The following MLLT10 variants were observed in gnomAD, a reference collection of about 807,000 sequenced individuals.
MLLT10 encodes MLLT10 histone lysine methyltransferase DOT1L cofactor.
Under a neutral mutation model 129.1 loss-of-function variants are expected in MLLT10, and 30 were observed. That is an observed-to-expected ratio of 0.23 (90% CI 0.17 to 0.32). The LOEUF is 0.32. MLLT10 is among the 10% of genes least tolerant of loss of function. MLLT10 has a pLI of 1.00. For missense variants in MLLT10, 1,119 were observed against 1,268.3 expected (o/e 0.88, Z 1.79); for synonymous variants, 490 against 446.4 (o/e 1.10, Z -1.23).
chr10:21,616,481 TA>T (rs2045271165), intron 7 of MLLT10, among the ~76,000 whole-genome samples: 1 of 152,120 alleles, frequency 6.6e-6, no homozygotes, highest in Non-Finnish European at 1.5e-5. Flanking sequence ...CTCACCTTCA[TA>T]CTTAATTATG....
intron 8 of MLLT10, among the ~76,000 whole-genome samples, chr10:21,644,496 T>C (rs924485682): frequency 2.6e-5 from 4 of 152,182 alleles, no homozygotes; most frequent in Admixed American, 2.6e-4. Flanking sequence ...TAGGGCAGTA[T>C]GCACTTTTTG....
intron 9 of MLLT10, among the ~76,000 whole-genome samples, chr10:21,665,958 C>A (rs778327703): frequency 6.6e-6 from 1 of 152,028 alleles, no homozygotes; most frequent in Non-Finnish European, 1.5e-5. Context: ...CTGCCTGACT[C>A]CAAAAGTTCT....
At chr10:21,590,074 C>T (rs1002556286) in intron 4 of MLLT10, among the ~76,000 whole-genome samples, 1 of 152,098 alleles carries the variant, frequency 6.6e-6, no homozygotes, top group Non-Finnish European at 1.5e-5. Context: ...GGTGGGACCA[C>T]AGGCACACCA....
chr10:21,597,082 G>C (rs967208894), intron 5 of MLLT10, among the ~76,000 whole-genome samples: 2 of 151,580 alleles, frequency 1.3e-5, no homozygotes, highest in Non-Finnish European at 2.9e-5. Context: ...AATTTTAAAA[G>C]CATTAAAACT....
At chr10:21,731,855 CT>C (rs1246713338) in intron 17 of MLLT10, among the ~76,000 whole-genome samples, 1 of 152,058 alleles carries the variant, frequency 6.6e-6, no homozygotes, top group Non-Finnish European at 1.5e-5. Flanking sequence ...CGAGTATAAA[CT>C]TTTGCTGCCT....
At chr10:21,573,345 G>A (rs1312897321) in intron 3 of MLLT10, among the ~76,000 whole-genome samples, 2 of 152,124 alleles carry the variant, frequency 1.3e-5, no homozygotes, top group African/African-American at 2.4e-5. Flanking sequence ...ACAGAACCCA[G>A]CATGACTGCC....
chr10:21,643,407 G>T (rs2048201375), intron 8 of MLLT10, among the ~76,000 whole-genome samples: 1 of 152,150 alleles, frequency 6.6e-6, no homozygotes, highest in Non-Finnish European at 1.5e-5. Flanking sequence ...AATCCTCATA[G>T]TTGTGTAGGC....
intron 3 of MLLT10, among the ~76,000 whole-genome samples, chr10:21,560,263 C>T (rs2038636927): frequency 6.6e-6 from 1 of 152,190 alleles, no homozygotes; most frequent in Non-Finnish European, 1.5e-5. Context: ...GGCTGGGCCT[C>T]CCAAAGTGCT....
chr10:21,717,539 CTCCCT>C (rs1158822169), intron 14 of MLLT10, among the ~76,000 whole-genome samples: 1 of 118,734 alleles, frequency 8.4e-6, no homozygotes, highest in Admixed American at 9.1e-5. Flanking sequence ...CCTCCTCCTC[CTCCCT>C]TCTTCTTTCT....
intron 9 of MLLT10, among the ~76,000 whole-genome samples, chr10:21,658,016 C>T (rs2049784699): frequency 6.6e-6 from 1 of 151,946 alleles, no homozygotes; most frequent in Non-Finnish European, 1.5e-5. Context: ...TGTATTTTTA[C>T]AACACAATAC....
chr10:21,556,517 C>G (rs2038006044), intron 3 of MLLT10: 1 of 668,294 alleles, frequency 1.5e-6, no homozygotes, highest in Non-Finnish European at 2.5e-6. Context: ...CTCCTGGTGT[C>G]TCTGAGTGTA....
intron 13 of MLLT10, among the ~76,000 whole-genome samples, chr10:21,699,978 A>G (rs1479067709): frequency 2.0e-5 from 3 of 152,124 alleles, no homozygotes; most frequent in Admixed American, 2.0e-4. Flanking sequence ...TGGTCATTTT[A>G]ATGATACTAA....
intron 5 of MLLT10, among the ~76,000 whole-genome samples, chr10:21,605,558 G>C (rs553480404): frequency 6.6e-6 from 1 of 151,850 alleles, no homozygotes; most frequent in Non-Finnish European, 1.5e-5. Context: ...GATCCTCCCC[G>C]CTCAGCCTCG....
chr10:21,669,775 A>T (rs1281836014), intron 9 of MLLT10, among the ~76,000 whole-genome samples: 4 of 152,244 alleles, frequency 2.6e-5, no homozygotes, highest in Admixed American at 2.6e-4. Context: ...AAACTATACA[A>T]GTCTTCATCT....
At chr10:21,709,096 T>G (rs1231066020) in intron 13 of MLLT10, among the ~76,000 whole-genome samples, 1 of 152,228 alleles carries the variant, frequency 6.6e-6, no homozygotes, top group Non-Finnish European at 1.5e-5. Context: ...CAGTTTTGTC[T>G]AAGTCAAAAG....
Position 21,726,324 on chromosome 10 carries a change from T to C in MLLT10, c.1959T>C (p.Ala653=). 6.2e-7 allele frequency: 1 copy of C among 1,612,640 alleles called. No individual in the cohort carries two copies. Among genetic ancestry groups the C allele is most frequent in the Non-Finnish European group, 8.5e-7 (1 of 1,178,842 alleles). Residue 653 remains alanine (A), a synonymous_variant, in exon 15 of 23, where the codon GCT becomes GCC. Coordinates refer to ENST00000307729, the MANE Select transcript of MLLT10 (RefSeq NM_001195626.3). ...ATAGATCAAATTCATCAATGGCAGC[T>C]CTTATAGCTCAGTCTGAAAACAATC... The part of the protein sequence containing the change: ...YGNRSNSSMA[A]LIAQSENNQT...
At chr10:21,601,259 T>G (rs2131153459) in intron 5 of MLLT10, among the ~76,000 whole-genome samples, 1 of 152,328 alleles carries the variant, frequency 6.6e-6, no homozygotes, top group African/African-American at 2.4e-5. Context: ...TTGTGTCTTT[T>G]GTGCTTGTCA....
intron 8 of MLLT10, among the ~76,000 whole-genome samples, chr10:21,642,656 C>CA (rs374427646): frequency 0.33 from 32,442 of 99,356 alleles, 4,343 homozygotes; most frequent in Middle Eastern, 0.52. Flanking sequence ...GACTCTGTCT[C>CA]AAAAAAAAAA....
chr10:21,742,451 A>G lies in MLLT10; in HGVS notation c.*468A>G, dbSNP rs925971679. On this transcript the variant is annotated 3_prime_UTR_variant, in exon 23 of 23. Coordinates refer to ENST00000307729, the MANE Select transcript of MLLT10 (RefSeq NM_001195626.3). ...CTCTAAGTCAAATTCCAAGGAACTA[A>G]TTTCTTCTCCTGGAGTTGCATTGAT... The G allele has an allele frequency of 2.3e-5, 5 of 217,572 alleles. No homozygotes were observed. The highest frequency in any genetic ancestry group is 4.6e-5 in the Non-Finnish European group (5 of 108,440). 13.5% of individuals were successfully genotyped at this position (217,572 alleles called of 1,614,324 possible).
Sources: allele counts gnomAD v4.1 joint callset (sites outside exome capture counted in the v4.1 genomes callset), GRCh38; gene constraint gnomAD v4.1.1; transcripts MANE v1.5; gene names NCBI Gene and HGNC (gene_info 2026-07-23, HGNC 2026-07-21).